The following TENM3 variants were observed in gnomAD, a reference collection of about 807,000 sequenced individuals.
The protein encoded by TENM3 is teneurin transmembrane protein 3, also known as teneurin-3.
In TENM3, 63 loss-of-function variants were observed where a neutral mutation model predicts 255.1. That is an observed-to-expected ratio of 0.25 (90% CI 0.20 to 0.30). The LOEUF is 0.30. Among genes scored for constraint, TENM3 ranks in the 10% least tolerant of loss-of-function variants. TENM3 has a pLI of 1.00. For missense variants in TENM3, 2,929 were observed against 3,461.1 expected (o/e 0.85, Z 3.86); for synonymous variants, 1,306 against 1,322.3 (o/e 0.99, Z 0.27).
In TENM3 at chr4:182,167,372, T is replaced by C. The variant is rs865808069; in HGVS notation, c.-76+22618T>C. On this transcript the variant is annotated intron_variant, in intron 1 of 2. Transcript: ENST00000512480. ...CATAATTAGTAGAAAGTTGAATGAATAACAGAAAGTTGGAATAAATATTTG... is the reference window on the plus strand; with the variant it reads ...CATAATTAGTAGAAAGTTGAATGAACAACAGAAAGTTGGAATAAATATTTG... Among the ~76,000 whole-genome samples the C allele has an allele frequency of 3.3e-5, 5 of 152,210 alleles. No individual in the cohort carries two copies. In the South Asian group the frequency reaches 6.2e-4, roughly 19 times the overall value.
At chr4:182,766,235 AGTTCT>A (rs1188118064) in intron 22 of TENM3, among the ~76,000 whole-genome samples, 1 of 152,196 alleles carries the variant, frequency 6.6e-6, no homozygotes, top group East Asian at 1.9e-4. Context: ...GGGCATGCAC[AGTTCT>A]GTTTTACAGA....
At position 182,794,972 on chromosome 4, in the gene TENM3, G is replaced by A. The variant is rs548493438; in HGVS notation, c.7213+1087G>A. On this transcript the variant is annotated intron_variant, in intron 26 of 27. Transcript: ENST00000511685. ...TCTTTTTTTTTTGGGCTTGATTTAA[G>A]GTATTTTGGTTTTGTTTTGGCTTGT... Among the ~76,000 whole-genome samples, 5 of 151,954 alleles carry A rather than the reference G, an allele frequency of 3.3e-5. No homozygotes were observed. In the East Asian group the frequency reaches 9.7e-4, roughly 29 times the overall value.
chr4:181,910,397 T>C, the TENM3 span, among the ~76,000 whole-genome samples: 2 of 151,758 alleles, frequency 1.3e-5, no homozygotes, highest in Middle Eastern at 3.4e-3. Flanking sequence ...AAACCCCGCC[T>C]CTACTAAAAA....
the TENM3 span, among the ~76,000 whole-genome samples, chr4:181,501,508 A>G: frequency 6.6e-6 from 1 of 151,588 alleles, no homozygotes; most frequent in Admixed American, 6.6e-5. Flanking sequence ...CCTCCCAAGT[A>G]GTGGGATTAC....
At chr4:182,722,487 C>A (rs187260099) in intron 13 of TENM3, among the ~76,000 whole-genome samples, 111 of 152,142 alleles carry the variant, frequency 7.3e-4, no homozygotes, top group Middle Eastern at 3.5e-3. Flanking sequence ...GATGAGCCCT[C>A]AAGGAGCTTA....
rs545274907 is a variant in TENM3 at position 182,729,302 on chromosome 4, C to G, written c.2585+121C>G. The stretch of plus-strand genomic sequence containing the variant: ...TGCTGTTTTTTAAATACAGTTTTTC[C>G]TCTTTCTGCAGATTCTTCACCAAAC... On this transcript the variant is annotated intron_variant, in intron 14 of 27. Transcript: ENST00000511685. 81 of 846,210 alleles carry G rather than the reference C, an allele frequency of 9.6e-5. 2 individuals carry two copies. The South Asian group carries it at 1.2e-3, about 13-fold the overall frequency. The allele number at this position is 846,210 out of a possible 1,614,324, so 52.4% of individuals were successfully genotyped here.
the TENM3 span, among the ~76,000 whole-genome samples, chr4:181,875,105 C>T: frequency 6.6e-6 from 1 of 152,108 alleles, no homozygotes; most frequent in African/African-American, 2.4e-5. Context: ...AGTCTCTGTT[C>T]GCATTTTGGT....
At chr4:181,605,574 G>GAAAGAAA in the TENM3 span, among the ~76,000 whole-genome samples, 1 of 21,978 alleles carries the variant, frequency 4.6e-5, no homozygotes, top group Non-Finnish European at 1.2e-4. Context: ...AAGAAAGAGA[G>GAAAGAAA]AGAAAGAAAG....
At chr4:182,763,482 G>A (rs893137756) in intron 22 of TENM3, among the ~76,000 whole-genome samples, 1 of 151,976 alleles carries the variant, frequency 6.6e-6, no homozygotes, top group Non-Finnish European at 1.5e-5. Flanking sequence ...GGAGAATGGC[G>A]TGAACCCAGG....
At chr4:181,910,014 A>G in the TENM3 span, among the ~76,000 whole-genome samples, 1 of 152,210 alleles carries the variant, frequency 6.6e-6, no homozygotes, top group South Asian at 2.1e-4. Context: ...TCATTGTTAT[A>G]CTATTCATGT....
the TENM3 span, among the ~76,000 whole-genome samples, chr4:181,543,002 A>T: frequency 1.3e-5 from 2 of 152,126 alleles, no homozygotes; most frequent in Admixed American, 1.3e-4. Flanking sequence ...TGTCTATTCC[A>T]GCCAACTCTC....
the TENM3 span, among the ~76,000 whole-genome samples, chr4:181,502,266 G>A: frequency 1.2e-4 from 18 of 152,250 alleles, no homozygotes; most frequent in Admixed American, 3.3e-4. Context: ...TATGGACACC[G>A]GATGATAGTG....
the TENM3 span, among the ~76,000 whole-genome samples, chr4:181,899,427 T>A: frequency 6.6e-6 from 1 of 152,144 alleles, no homozygotes; most frequent in Non-Finnish European, 1.5e-5. Context: ...GAAAGAAAAA[T>A]ACTTGATACG....
At chr4:182,587,781 T>C (rs1487330529) in intron 3 of TENM3, among the ~76,000 whole-genome samples, 1 of 152,170 alleles carries the variant, frequency 6.6e-6, no homozygotes, top group East Asian at 1.9e-4. Context: ...TGTTTAAAAA[T>C]TTTTTACATT....
intron 2 of TENM3, among the ~76,000 whole-genome samples, chr4:182,328,686 C>T (rs987632282): frequency 2.0e-5 from 3 of 152,148 alleles, no homozygotes; most frequent in Middle Eastern, 3.2e-3. Flanking sequence ...TTGCTGACAG[C>T]GTGGCTCCAC....
intron 1 of TENM3, among the ~76,000 whole-genome samples, chr4:182,166,993 A>T (rs1433405128): frequency 6.6e-6 from 1 of 152,166 alleles, no homozygotes. Context: ...TTAAAATGAG[A>T]TTATTGAAGT....
intron 12 of TENM3, among the ~76,000 whole-genome samples, chr4:182,693,610 A>G (rs1176212555): frequency 6.6e-6 from 1 of 152,092 alleles, no homozygotes; most frequent in East Asian, 1.9e-4. Flanking sequence ...CTTTTATCTT[A>G]ACTGTTCTTA....
chr4:182,108,362 T>C, the TENM3 span, among the ~76,000 whole-genome samples: 1 of 152,200 alleles, frequency 6.6e-6, no homozygotes, highest in African/African-American at 2.4e-5. Flanking sequence ...GGATTTCAGA[T>C]ACATGGGATG....
At chr4:182,700,261 A>T (rs1310783547) in intron 12 of TENM3, among the ~76,000 whole-genome samples, 1 of 152,236 alleles carries the variant, frequency 6.6e-6, no homozygotes, top group Non-Finnish European at 1.5e-5. Context: ...GTAAGGGTAG[A>T]GAAATTAAGC....
Sources: gnomAD v4.1 joint callset for allele counts (sites outside exome capture counted in the v4.1 genomes callset) on GRCh38, gnomAD v4.1.1 for gene constraint, MANE v1.5 for transcripts, NCBI Gene and HGNC (gene_info 2026-07-23, HGNC 2026-07-21) for gene names.